ADAMTS18: variants seen among roughly 807,000 people sequenced by gnomAD.
ADAMTS18 encodes the protein A disintegrin and metalloproteinase with thrombospondin motifs 18.
ADAMTS18 carries 157 observed loss-of-function variants against 165.9 expected under a neutral mutation model. That is an observed-to-expected ratio of 0.95 (90% CI 0.83 to 1.08). The LOEUF is 1.08. ADAMTS18 is among the 50% of genes least tolerant of loss of function. The pLI is 0.00. For missense variants in ADAMTS18, 2,040 were observed against 1,534.0 expected (o/e 1.33, Z -5.51); for synonymous variants, 782 against 578.2 (o/e 1.35, Z -5.06).
chr16:77,361,266 C>T (rs1375466341), intron 7 of ADAMTS18, among the ~76,000 whole-genome samples: 2 of 152,094 alleles, frequency 1.3e-5, no homozygotes, highest in Non-Finnish European at 2.9e-5. Context: ...TTTGCTGACT[C>T]CTGATTTAGA....
chr16:77,362,311 G>C, intron 6 of ADAMTS18, 47 bp from the exon 7 acceptor site: 1 of 1,599,636 alleles, frequency 6.3e-7, no homozygotes, highest in East Asian at 2.2e-5. Flanking sequence ...TCACAGAGAT[G>C]AGAATGCTGA....
chr16:77,289,740 G>A (rs965110551), intron 21 of ADAMTS18, among the ~76,000 whole-genome samples: 3 of 152,216 alleles, frequency 2.0e-5, no homozygotes, highest in Admixed American at 1.3e-4. Flanking sequence ...CACACCTAGG[G>A]AGTTAATCAC....
chr16:77,345,302 A>G (rs1188542481), intron 10 of ADAMTS18, among the ~76,000 whole-genome samples: 1 of 152,160 alleles, frequency 6.6e-6, no homozygotes, highest in Non-Finnish European at 1.5e-5. Flanking sequence ...CCCATGTTTC[A>G]CTGTCCCCAT....
intron 3 of ADAMTS18, among the ~76,000 whole-genome samples, chr16:77,401,050 G>A (rs1226838581): frequency 6.6e-6 from 1 of 152,162 alleles, no homozygotes; most frequent in Non-Finnish European, 1.5e-5. Context: ...GAGGTCAGGA[G>A]TTTGAGACCA....
At chr16:77,356,376 A>G (rs1281711093) in intron 8 of ADAMTS18, among the ~76,000 whole-genome samples, 1 of 152,214 alleles carries the variant, frequency 6.6e-6, no homozygotes, top group Non-Finnish European at 1.5e-5. Context: ...GGTATAAGCT[A>G]AGCCAAAGTG....
intron 10 of ADAMTS18, among the ~76,000 whole-genome samples, chr16:77,350,746 G>A (rs1413155741): frequency 6.6e-6 from 1 of 152,072 alleles, no homozygotes; most frequent in African/African-American, 2.4e-5. Flanking sequence ...GGGTTTCTGG[G>A]TCCTAGCCCC....
chr16:77,400,280 C>T (rs1224811780), intron 3 of ADAMTS18, among the ~76,000 whole-genome samples: 5 of 151,802 alleles, frequency 3.3e-5, no homozygotes, highest in African/African-American at 7.3e-5. Flanking sequence ...TACATATCTT[C>T]GCACCTGTTC....
chr16:77,350,095 T>A (rs536188023), intron 10 of ADAMTS18, among the ~76,000 whole-genome samples: 1 of 152,318 alleles, frequency 6.6e-6, no homozygotes, highest in South Asian at 2.1e-4. Context: ...ATCAGCTCAC[T>A]CATGGAGTCA....
intron 3 of ADAMTS18, among the ~76,000 whole-genome samples, chr16:77,369,866 G>A (rs1161628698): frequency 6.6e-6 from 1 of 152,098 alleles, no homozygotes; most frequent in Non-Finnish European, 1.5e-5. Flanking sequence ...AAATTCAACA[G>A]CACATTAAAC....
At chr16:77,383,783 C>A (rs749124318) in intron 3 of ADAMTS18, among the ~76,000 whole-genome samples, 1 of 152,060 alleles carries the variant, frequency 6.6e-6, no homozygotes, top group Non-Finnish European at 1.5e-5. Flanking sequence ...CATCGTGATC[C>A]GCCCTCCTTG....
intron 16 of ADAMTS18, among the ~76,000 whole-genome samples, chr16:77,312,239 T>A (rs2144618818): frequency 6.6e-6 from 1 of 152,238 alleles, no homozygotes; most frequent in Admixed American, 6.5e-5. Context: ...TTTTCTTTTT[T>A]TTTTTGTTTT....
intron 12 of ADAMTS18, among the ~76,000 whole-genome samples, chr16:77,328,502 C>T (rs753342153): frequency 1.7e-4 from 26 of 152,162 alleles, no homozygotes; most frequent in Non-Finnish European, 1.5e-5. Context: ...CGGGAAATGT[C>T]ACGCGGCCAG....
intron 3 of ADAMTS18, among the ~76,000 whole-genome samples, chr16:77,402,484 G>A (rs1252654505): frequency 6.6e-6 from 1 of 152,136 alleles, no homozygotes; most frequent in Non-Finnish European, 1.5e-5. Context: ...GGGGCCTGGA[G>A]CATTTGAGGT....
In ADAMTS18 at chr16:77,282,925, T is replaced by TTTG. The variant is rs4038556; in HGVS notation, c.*1030_*1031insCAA. On this transcript the variant is annotated 3_prime_UTR_variant, in exon 23 of 23. Coordinates refer to ENST00000282849, the MANE Select transcript of ADAMTS18 (RefSeq NM_199355.4). ...TTCTCTCTTTTTTTTTTTTTTTTTT[T>TTTG]TGCTGTTAGCTCAATCCTAGGGCAA... 1 of 125,476 alleles carries TTTG rather than the reference T, an allele frequency of 8.0e-6. No homozygotes were observed. The allele number at this position is 125,476 out of a possible 1,614,324, so 7.8% of individuals were successfully genotyped here. A position where few individuals can be genotyped will look rare whatever the true frequency, so the allele number is the denominator to read the frequency against.
Position 77,434,598 on chromosome 16 carries a change from G to T in ADAMTS18, c.90+8C>A. Reference sequence around the variant, plus strand: ...CCCGCTCTCGGAGCTCCGCTCGGCGGCACCTGCCTTGGCCACGCGCCCCAG... The same window carrying T: ...CCCGCTCTCGGAGCTCCGCTCGGCGTCACCTGCCTTGGCCACGCGCCCCAG... On this transcript the variant is annotated splice_region_variant and intron_variant, in intron 1 of 22. Coordinates refer to ENST00000282849, the MANE Select transcript of ADAMTS18 (RefSeq NM_199355.4). 6.6e-7 allele frequency: 1 copy of T among 1,526,056 alleles called. No homozygotes were observed. The allele number at this position is 1,526,056 out of a possible 1,614,324, so 94.5% of individuals were successfully genotyped here.
intron 16 of ADAMTS18, among the ~76,000 whole-genome samples, chr16:77,304,149 A>G (rs2055639941): frequency 6.6e-6 from 1 of 152,218 alleles, no homozygotes; most frequent in African/African-American, 2.4e-5. Context: ...ATTAATAACA[A>G]ATCTCGGTGA....
intron 3 of ADAMTS18, among the ~76,000 whole-genome samples, chr16:77,380,016 T>C (rs991071063): frequency 2.6e-5 from 4 of 152,190 alleles, no homozygotes; most frequent in Non-Finnish European, 4.4e-5. Context: ...CTGATAACGG[T>C]AGACTAGAAA....
chr16:77,329,745 T>C (rs1438365367), intron 12 of ADAMTS18, among the ~76,000 whole-genome samples: 1 of 152,162 alleles, frequency 6.6e-6, no homozygotes, highest in East Asian at 1.9e-4. Context: ...ATAGGCAATA[T>C]TTTTCTGCAG....
chr16:77,323,813 G>A (rs2056046799), intron 13 of ADAMTS18, among the ~76,000 whole-genome samples: 1 of 152,170 alleles, frequency 6.6e-6, no homozygotes, highest in Admixed American at 6.5e-5. Flanking sequence ...CCTCCACTGA[G>A]AGGTAAGATC....
Sources: gnomAD v4.1 joint callset for allele counts (sites outside exome capture counted in the v4.1 genomes callset) on GRCh38, gnomAD v4.1.1 for gene constraint, MANE v1.5 for transcripts, NCBI Gene and HGNC (gene_info 2026-07-23, HGNC 2026-07-21) for gene names.